Variants in ARHGEF3 observed in about 807,000 individuals in gnomAD.
The protein encoded by ARHGEF3 is Rho guanine nucleotide exchange factor 3.
A neutral mutation model predicts 63.2 loss-of-function variants in ARHGEF3; 28 were observed. The observed-to-expected ratio is 0.44, with a 90% CI of 0.33 to 0.61. The LOEUF (loss-of-function observed/expected upper bound fraction) is 0.61. ARHGEF3 is among the 20% of genes least tolerant of loss of function. ARHGEF3 has a pLI of 0.03. For missense variants in ARHGEF3, 533 were observed against 659.3 expected, an observed-to-expected ratio of 0.81 and a Z score of 2.10; for synonymous variants, 266 against 254.2, an observed-to-expected ratio of 1.05 and a Z score of -0.44.
chr3:56,973,797 T>C (rs1459633566), intron 2 of ARHGEF3, among the ~76,000 whole-genome samples: 2 of 152,184 alleles, frequency 1.3e-5, no homozygotes, highest in Admixed American at 6.5e-5. Flanking sequence ...TGTCCAAAGA[T>C]ACCTAAGAAG....
At chr3:57,067,178 G>A (rs1461619310) in intron 1 of ARHGEF3, among the ~76,000 whole-genome samples, 4 of 152,194 alleles carry the variant, frequency 2.6e-5, no homozygotes, top group Non-Finnish European at 4.4e-5. Context: ...TCGGCCAGGC[G>A]CGGTGGCTCA....
intron 8 of ARHGEF3, among the ~76,000 whole-genome samples, chr3:56,735,932 T>TATA (rs1271062900): frequency 1.3e-5 from 2 of 152,136 alleles, no homozygotes; most frequent in Non-Finnish European, 2.9e-5. Flanking sequence ...AAAACTTTAT[T>TATA]AAGAACCCTT....
At chr3:56,878,221 G>T (rs893880693) in intron 4 of ARHGEF3, among the ~76,000 whole-genome samples, 4 of 152,138 alleles carry the variant, frequency 2.6e-5, no homozygotes, top group African/African-American at 9.7e-5. Flanking sequence ...TCGCCCATTA[G>T]AATTTAAACT....
intron 1 of ARHGEF3, among the ~76,000 whole-genome samples, chr3:57,039,062 T>C (rs979699235): frequency 1.3e-5 from 2 of 152,174 alleles, no homozygotes; most frequent in South Asian, 4.1e-4. Flanking sequence ...ATGGAAAGTT[T>C]CGTGTTAATC....
At chr3:56,969,248 A>ATGTGTCTGGC (rs1157121394) in intron 2 of ARHGEF3, among the ~76,000 whole-genome samples, 17 of 148,624 alleles carry the variant, frequency 1.1e-4, no homozygotes, top group Middle Eastern at 3.4e-3. Flanking sequence ...CCCTATTCAA[A>ATGTGTCTGGC]ACAATTCCAG....
At chr3:56,921,151 G>A (rs2042128063) in intron 3 of ARHGEF3, among the ~76,000 whole-genome samples, 2 of 148,986 alleles carry the variant, frequency 1.3e-5, no homozygotes, top group Non-Finnish European at 3.0e-5. Context: ...GATGGCTTGA[G>A]CCCGGGAGTT....
intron 3 of ARHGEF3, among the ~76,000 whole-genome samples, chr3:56,957,898 G>A (rs1700113200): frequency 6.6e-6 from 1 of 152,202 alleles, no homozygotes; most frequent in Non-Finnish European, 1.5e-5. Context: ...TTAGCACACA[G>A]CAGGACCTCC....
intron 3 of ARHGEF3, among the ~76,000 whole-genome samples, chr3:56,912,768 T>C (rs2108341982): frequency 6.6e-6 from 1 of 152,350 alleles, no homozygotes; most frequent in East Asian, 1.9e-4. Context: ...AAATTATTCT[T>C]TGTCAAGAGA....
intron 1 of ARHGEF3, among the ~76,000 whole-genome samples, chr3:57,061,141 G>A (rs968468751): frequency 3.3e-5 from 5 of 152,046 alleles, no homozygotes; most frequent in African/African-American, 1.2e-4. Context: ...TCCTGCACCT[G>A]CCCCTCTCCC....
At chr3:57,004,203 G>C (rs1702376980) in intron 2 of ARHGEF3, among the ~76,000 whole-genome samples, 1 of 152,230 alleles carries the variant, frequency 6.6e-6, no homozygotes, top group South Asian at 2.1e-4. Flanking sequence ...CTTCCCAGCA[G>C]AATGTCCTCG....
chr3:56,752,432 C>G (rs1347291255), intron 4 of ARHGEF3, among the ~76,000 whole-genome samples: 1 of 152,180 alleles, frequency 6.6e-6, no homozygotes, highest in Non-Finnish European at 1.5e-5. Flanking sequence ...CAAAACTGCT[C>G]TAGAAGGTCA....
intron 3 of ARHGEF3, among the ~76,000 whole-genome samples, chr3:56,926,553 C>T (rs866106758): frequency 1.4e-4 from 21 of 152,212 alleles, no homozygotes; most frequent in African/African-American, 4.6e-4. Flanking sequence ...CATTTCTATG[C>T]TTTCCAACTC....
intron 2 of ARHGEF3, among the ~76,000 whole-genome samples, chr3:56,996,890 A>ATTATTATTATTT (rs1553801009): frequency 1.0e-4 from 14 of 136,510 alleles, no homozygotes; most frequent in Non-Finnish European, 2.0e-4. Flanking sequence ...TATTATTATT[A>ATTATTATTATTT]TTTTTTTTTT....
chr3:56,901,798 C>G (rs1277282856), intron 3 of ARHGEF3, among the ~76,000 whole-genome samples: 1 of 152,012 alleles, frequency 6.6e-6, no homozygotes, highest in Non-Finnish European at 1.5e-5. Context: ...CTATGTTGCC[C>G]AGGCATGGCT....
intron 2 of ARHGEF3, among the ~76,000 whole-genome samples, chr3:56,965,267 A>AACGACT (rs1700442022): frequency 6.6e-6 from 1 of 152,164 alleles, no homozygotes; most frequent in Non-Finnish European, 1.5e-5. Context: ...ACAAATAAAT[A>AACGACT]ACGACTACAA....
intron 1 of ARHGEF3, among the ~76,000 whole-genome samples, chr3:57,057,102 T>C (rs1704976390): frequency 6.6e-6 from 1 of 152,220 alleles, no homozygotes; most frequent in South Asian, 2.1e-4. Flanking sequence ...GTTTCTGCAT[T>C]TTTTAATTTT....
At position 56,768,681 on chromosome 3, in the gene ARHGEF3, AAAG is replaced by A. The variant is rs1244603925; in HGVS notation, c.204+5025_204+5027del. On this transcript the variant is annotated intron_variant, in intron 2 of 9. Coordinates refer to ENST00000296315, the MANE Select transcript of ARHGEF3 (RefSeq NM_019555.3). ...TAAGCAAAATGCAAAAAAAAAAAAA[AAAG>A]AAGAAGATGACGACAAAATCCAAGG... is the stretch of plus-strand genomic sequence containing the variant. 1.6e-4 allele frequency among the ~76,000 whole-genome samples: 24 copies of A among 149,792 alleles called. 1 individual carries two copies. The highest frequency in any genetic ancestry group is 3.0e-4 in the African/African-American group (12 of 40,056).
Position 56,916,332 on chromosome 3 carries a change from ACCACAC to A in ARHGEF3, c.130-33984_130-33979del, listed in dbSNP as rs2041989269. 2.0e-6 allele frequency: 3 copies of A among 1,535,470 alleles called. No individual in the cohort carries two copies. In the African/African-American group the frequency reaches 4.1e-5, roughly 21 times the overall value. On this transcript the variant is annotated intron_variant, in intron 3 of 12. Coordinates refer to the ARHGEF3 transcript ENST00000338458. The stretch of plus-strand genomic sequence containing the variant: ...ACCTGCGAACGGACAAAGAGGCAGC[ACCACAC>A]CATGGGGCGCTCTGACCTCATCCAC...
chr3:56,994,961 C>T (rs1701914068), intron 2 of ARHGEF3, among the ~76,000 whole-genome samples: 1 of 152,270 alleles, frequency 6.6e-6, no homozygotes, highest in East Asian at 1.9e-4. Context: ...TCCCCCCTCA[C>T]TCTCATTCTC....
Sources: allele counts gnomAD v4.1 joint callset (sites outside exome capture counted in the v4.1 genomes callset), GRCh38; gene constraint gnomAD v4.1.1; transcripts MANE v1.5; gene names NCBI Gene and HGNC (gene_info 2026-07-23, HGNC 2026-07-21).